Variants in TTLL5 observed in about 807,000 individuals in gnomAD.
The protein encoded by TTLL5 is tubulin tyrosine ligase like 5, also known as tubulin polyglutamylase TTLL5.
TTLL5 carries 132 observed loss-of-function variants against 168.4 expected under a neutral mutation model. That is an observed-to-expected ratio of 0.78 (90% CI 0.68 to 0.91). The LOEUF (loss-of-function observed/expected upper bound fraction) is 0.91, where lower values mean the gene tolerates loss of function less well. Ranked by LOEUF, TTLL5 falls within the 40% of genes least tolerant of loss-of-function variation. TTLL5 has a pLI of 0.00. For synonymous variants in TTLL5, 546 were observed against 558.6 expected, an observed-to-expected ratio of 0.98 and a Z score of 0.32; for missense variants, 1,545 against 1,581.5, an observed-to-expected ratio of 0.98 and a Z score of 0.39.
intron 27 of TTLL5, among the ~76,000 whole-genome samples, chr14:75,799,284 A>C (rs993303462): frequency 6.6e-6 from 1 of 152,156 alleles, no homozygotes; most frequent in Non-Finnish European, 1.5e-5. Context: ...CTGATGTAAG[A>C]ATAGCTACTT....
chr14:75,765,675 C>T lies in TTLL5; in HGVS notation c.1709-387C>T, dbSNP rs185245740. ...CCCAGGAGTTCGAGACCAGCCCAGG[C>T]AATCTGGCAAAATCCTGTCTCTACA... On this transcript the variant is annotated intron_variant, in intron 19 of 31. Coordinates refer to ENST00000298832, the MANE Select transcript of TTLL5 (RefSeq NM_015072.5). Among the ~76,000 whole-genome samples the T allele has an allele frequency of 2.3e-3, 346 of 152,152 alleles. 1 individual carries two copies. Among genetic ancestry groups the T allele is most frequent in the African/African-American group, 8.1e-3 (337 of 41,512 alleles).
intron 2 of TTLL5, among the ~76,000 whole-genome samples, chr14:75,664,129 A>G (rs1883084647): frequency 6.6e-6 from 1 of 152,078 alleles, no homozygotes; most frequent in African/African-American, 2.4e-5. Flanking sequence ...GCTACTACAG[A>G]TGACGATAAA....
At chr14:75,688,995 A>G (rs368210208) in intron 5 of TTLL5, among the ~76,000 whole-genome samples, 3 of 152,290 alleles carry the variant, frequency 2.0e-5, no homozygotes, top group African/African-American at 7.2e-5. Context: ...TTGAGTGTTG[A>G]CTGGATTTAG....
intron 29 of TTLL5, among the ~76,000 whole-genome samples, chr14:75,864,916 C>G (rs143320554): frequency 4.2e-4 from 64 of 152,170 alleles, no homozygotes; most frequent in African/African-American, 1.4e-3. Flanking sequence ...TCTGTCTTAT[C>G]TTTTCAACTA....
At chr14:75,875,818 C>T (rs1026668735) in intron 29 of TTLL5, among the ~76,000 whole-genome samples, 1 of 152,138 alleles carries the variant, frequency 6.6e-6, no homozygotes, top group Non-Finnish European at 1.5e-5. Context: ...TACATGCATA[C>T]ATACATATAG....
intron 30 of TTLL5, among the ~76,000 whole-genome samples, chr14:75,900,915 CGTATCTCCTCACTAGT>C (rs1441693275): frequency 6.6e-6 from 1 of 152,162 alleles, no homozygotes; most frequent in Admixed American, 6.5e-5. Context: ...CGTGCTTTAA[CGTATCTCCTCACTAGT>C]ACAGAACACA....
At chr14:75,835,705 A>G (rs745957192) in intron 28 of TTLL5, 2 of 152,264 alleles carry the variant, frequency 1.3e-5, no homozygotes, top group Non-Finnish European at 2.9e-5. Context: ...TGTAGGAAAA[A>G]AACTAATAAT....
At chr14:75,764,264 T>A (rs1890829058) in intron 18 of TTLL5, among the ~76,000 whole-genome samples, 1 of 152,184 alleles carries the variant, frequency 6.6e-6, no homozygotes, top group Non-Finnish European at 1.5e-5. Flanking sequence ...CCACTCAACT[T>A]AAGAATTAAG....
intron 31 of TTLL5, chr14:75,930,534 C>A (rs2034241227): frequency 1.1e-6 from 1 of 892,618 alleles, no homozygotes; most frequent in Non-Finnish European, 1.3e-6. Flanking sequence ...TAGTCACAAG[C>A]ATTTTGAATA....
intron 3 of TTLL5, among the ~76,000 whole-genome samples, chr14:75,671,991 A>T (rs1453046158): frequency 6.6e-6 from 1 of 152,226 alleles, no homozygotes; most frequent in Non-Finnish European, 1.5e-5. Context: ...TGCGTATGAT[A>T]CTAGCTGTGG....
chr14:75,803,455 C>A (rs555148971), intron 27 of TTLL5, among the ~76,000 whole-genome samples: 28 of 152,304 alleles, frequency 1.8e-4, no homozygotes, highest in Admixed American at 1.6e-3. Context: ...CTTTCCCTGC[C>A]ATGTGAGCAG....
At chr14:75,811,475 C>A (rs1383242037) in intron 27 of TTLL5, among the ~76,000 whole-genome samples, 1 of 152,090 alleles carries the variant, frequency 6.6e-6, no homozygotes, top group Non-Finnish European at 1.5e-5. Flanking sequence ...GCCCAGATGC[C>A]ATTTTTTAAT....
At chr14:75,737,593 T>G (rs1594948377) in intron 15 of TTLL5, 3 of 1,535,816 alleles carry the variant, frequency 2.0e-6, no homozygotes, top group Non-Finnish European at 2.6e-6. Context: ...GTTTCAGTCG[T>G]CAAAGGCCAA....
intron 5 of TTLL5, chr14:75,684,625 A>G (rs1482467621): frequency 6.6e-6 from 1 of 152,216 alleles, no homozygotes; most frequent in African/African-American, 2.4e-5. Flanking sequence ...ACTTGCAATG[A>G]TAATCAGTCA....
chr14:75,932,733 A>C (rs1461983380), intron 31 of TTLL5, among the ~76,000 whole-genome samples: 2 of 152,144 alleles, frequency 1.3e-5, no homozygotes, highest in East Asian at 3.8e-4. Context: ...TGTGAAATGG[A>C]AATACGTTCA....
Position 75,818,975 on chromosome 14 carries a change from A to G in TTLL5, c.3172-1032A>G, listed in dbSNP as rs546149839. Reference sequence around the variant, plus strand: ...AATGGGCTTTGGCAGTTGAAAAACTATGGTTTGAATTCTTGTTCTGCCATT... The same window carrying G: ...AATGGGCTTTGGCAGTTGAAAAACTGTGGTTTGAATTCTTGTTCTGCCATT... On this transcript the variant is annotated intron_variant, in intron 27 of 31. Coordinates refer to ENST00000298832, the MANE Select transcript of TTLL5 (RefSeq NM_015072.5). Among the ~76,000 whole-genome samples, 11 of 152,302 alleles carry G rather than the reference A, an allele frequency of 7.2e-5. 1 individual carries two copies. The highest frequency in any genetic ancestry group is 3.9e-4 in the East Asian group (2 of 5,190).
intron 30 of TTLL5, among the ~76,000 whole-genome samples, chr14:75,901,834 TTGTTA>T (rs1370693823): frequency 1.3e-5 from 2 of 152,254 alleles, no homozygotes; most frequent in Non-Finnish European, 2.9e-5. Flanking sequence ...TATTGAGTAC[TTGTTA>T]TGTGTCAGGC....
At chr14:75,698,479 A>G (rs1360798882) in intron 6 of TTLL5, among the ~76,000 whole-genome samples, 1 of 152,202 alleles carries the variant, frequency 6.6e-6, no homozygotes, top group Non-Finnish European at 1.5e-5. Flanking sequence ...TTTGGCTTAC[A>G]TTGACACTGT....
At chr14:75,850,545 ATATT>A (rs1343281852) in intron 28 of TTLL5, among the ~76,000 whole-genome samples, 1 of 151,922 alleles carries the variant, frequency 6.6e-6, no homozygotes, top group Non-Finnish European at 1.5e-5. Context: ...TTATTCATTC[ATATT>A]TATTTAGGTG....
Sources: allele counts gnomAD v4.1 joint callset (sites outside exome capture counted in the v4.1 genomes callset), GRCh38; gene constraint gnomAD v4.1.1; transcripts MANE v1.5; gene names NCBI Gene and HGNC (gene_info 2026-07-23, HGNC 2026-07-21).